DENND1A: variants seen among roughly 807,000 people sequenced by gnomAD.
The protein encoded by DENND1A is DENN domain-containing protein 1A.
DENND1A carries 51 observed loss-of-function variants against 113.7 expected under a neutral mutation model. That is an observed-to-expected ratio of 0.45 (90% CI 0.36 to 0.57). The LOEUF (loss-of-function observed/expected upper bound fraction) is 0.57, where lower values mean the gene tolerates loss of function less well. DENND1A is among the 20% of genes least tolerant of loss of function. The pLI, the probability that DENND1A is intolerant of heterozygous loss-of-function variation, is 0.00. For synonymous variants in DENND1A, 565 were observed against 570.8 expected (o/e 0.99, Z 0.14); for missense variants, 1,258 against 1,395.9 (o/e 0.90, Z 1.57).
chr9:123,702,881 A>T (rs927004428), intron 5 of DENND1A, among the ~76,000 whole-genome samples: 10 of 152,156 alleles, frequency 6.6e-5, no homozygotes, highest in African/African-American at 2.4e-4. Flanking sequence ...AAGTAAGTAT[A>T]CAGTCAAATT....
intron 2 of DENND1A, among the ~76,000 whole-genome samples, chr9:123,823,185 A>G (rs922449503): frequency 6.6e-6 from 1 of 152,218 alleles, no homozygotes; most frequent in African/African-American, 2.4e-5. Flanking sequence ...ATGGGAGGTA[A>G]ACGCAAAAAA....
At chr9:123,855,738 T>C (rs976940714) in intron 2 of DENND1A, among the ~76,000 whole-genome samples, 2 of 152,164 alleles carry the variant, frequency 1.3e-5, no homozygotes, top group African/African-American at 2.4e-5. Flanking sequence ...AGACTCCAGC[T>C]AAGGAAACCA....
At chr9:123,750,594 ACCAT>A (rs2069933055) in intron 5 of DENND1A, among the ~76,000 whole-genome samples, 1 of 152,206 alleles carries the variant, frequency 6.6e-6, no homozygotes, top group Non-Finnish European at 1.5e-5. Context: ...CTGCCAACTG[ACCAT>A]CCAGAGAATA....
At chr9:123,711,513 G>GTGTATATA (rs1369120234) in intron 5 of DENND1A, among the ~76,000 whole-genome samples, 1 of 120,986 alleles carries the variant, frequency 8.3e-6, no homozygotes, top group East Asian at 2.3e-4. Flanking sequence ...ATGTATATAT[G>GTGTATATA]TATATATATA....
chr9:123,868,062 G>A (rs1475238065), intron 2 of DENND1A, among the ~76,000 whole-genome samples: 1 of 152,146 alleles, frequency 6.6e-6, no homozygotes, highest in Non-Finnish European at 1.5e-5. Flanking sequence ...TTTACCACTG[G>A]ACTTCTCAGT....
chr9:123,602,297 C>A (rs1194799591), intron 11 of DENND1A, among the ~76,000 whole-genome samples: 4 of 152,142 alleles, frequency 2.6e-5, no homozygotes, highest in Non-Finnish European at 5.9e-5. Flanking sequence ...AACTATTATA[C>A]AACAATTATA....
chr9:123,589,647 GAAAAAAAAAAAAAAAA>G (rs58211177), intron 11 of DENND1A, among the ~76,000 whole-genome samples: 1 of 35,432 alleles, frequency 2.8e-5, no homozygotes, highest in Admixed American at 3.3e-4. Context: ...TTCTCAGAAT[GAAAAAAAAAAAAAAAA>G]AAAAAAAAAA....
At chr9:123,496,045 G>C (rs886390159) in intron 13 of DENND1A, among the ~76,000 whole-genome samples, 1 of 152,168 alleles carries the variant, frequency 6.6e-6, no homozygotes, top group Non-Finnish European at 1.5e-5. Context: ...AGAGCATTAC[G>C]ATCAAGCACA....
intron 3 of DENND1A, among the ~76,000 whole-genome samples, chr9:123,788,053 C>T (rs958101831): frequency 6.6e-6 from 1 of 152,048 alleles, no homozygotes; most frequent in Admixed American, 6.6e-5. Context: ...CACTGTATTC[C>T]ATCAAAGTGT....
chr9:123,928,708 C>CA (rs1194682709), intron 1 of DENND1A: 1 of 985,290 alleles, frequency 1.0e-6, no homozygotes, highest in African/African-American at 1.7e-5. Context: ...CAAGGCTGGG[C>CA]AAGGGTCACA....
At chr9:123,802,472 C>A (rs1284379386) in intron 2 of DENND1A, among the ~76,000 whole-genome samples, 1 of 152,308 alleles carries the variant, frequency 6.6e-6, no homozygotes, top group African/African-American at 2.4e-5. Flanking sequence ...GGGGATCATA[C>A]TGCATTGCCA....
At chr9:123,655,386 A>G (rs567831483) in intron 8 of DENND1A, among the ~76,000 whole-genome samples, 1 of 152,296 alleles carries the variant, frequency 6.6e-6, no homozygotes, top group South Asian at 2.1e-4. Flanking sequence ...GCACCAGCCC[A>G]GAAGATGGAC....
chr9:123,776,306 C>T (rs1830462744), intron 3 of DENND1A, among the ~76,000 whole-genome samples: 1 of 152,050 alleles, frequency 6.6e-6, no homozygotes. Context: ...ACCGTATTAA[C>T]GCATACAACT....
At position 123,666,972 on chromosome 9, in the gene DENND1A, G is replaced by A. The variant is rs1343397150; in HGVS notation, c.507+54C>T. Reference sequence around the variant, plus strand: ...ATCCTTTATTTATTCAAACAAATAGGCAGAAAACAGAGAAGAATAAAAATT... The same window carrying A: ...ATCCTTTATTTATTCAAACAAATAGACAGAAAACAGAGAAGAATAAAAATT... On this transcript the variant is annotated intron_variant, in intron 8 of 23. Coordinates refer to ENST00000394215, the MANE Select transcript of DENND1A (RefSeq NM_001352964.2). 34 of 1,439,660 alleles carry A rather than the reference G, an allele frequency of 2.4e-5. No individual in the cohort carries two copies. The Middle Eastern group carries it at 7.7e-4, about 33-fold the overall frequency. The allele number at this position is 1,439,660 out of a possible 1,614,324, so 89.2% of individuals were successfully genotyped here. A position where few individuals can be genotyped will look rare whatever the true frequency, so the allele number is the denominator to read the frequency against.
At chr9:123,429,553 T>C (rs1279700622) in intron 19 of DENND1A, among the ~76,000 whole-genome samples, 3 of 151,916 alleles carry the variant, frequency 2.0e-5, no homozygotes, top group Admixed American at 1.3e-4. Context: ...AGGCTCTGTC[T>C]CAAAAAAACA....
chr9:123,818,529 C>T (rs1163710648), intron 2 of DENND1A, among the ~76,000 whole-genome samples: 10 of 108,484 alleles, frequency 9.2e-5, no homozygotes, highest in African/African-American at 3.3e-4. Flanking sequence ...TACACACACA[C>T]ACACACACAC....
intron 13 of DENND1A, among the ~76,000 whole-genome samples, chr9:123,465,308 ATTTTT>A (rs60428558): frequency 1.2e-5 from 1 of 80,114 alleles, no homozygotes; most frequent in African/African-American, 4.7e-5. Context: ...TTTGTCTTTG[ATTTTT>A]TTTTTTTTTT....
intron 13 of DENND1A, among the ~76,000 whole-genome samples, chr9:123,549,526 C>G (rs1358952107): frequency 2.0e-5 from 3 of 152,116 alleles, no homozygotes; most frequent in Non-Finnish European, 4.4e-5. Context: ...TTGGCCCCCA[C>G]AGTCAGGCTC....
At chr9:123,587,987 T>TA (rs1337471402) in intron 11 of DENND1A, among the ~76,000 whole-genome samples, 5 of 152,018 alleles carry the variant, frequency 3.3e-5, no homozygotes, top group Admixed American at 1.3e-4. Flanking sequence ...CTTTTTATCA[T>TA]AAAAAATAGG....
Sources: allele counts gnomAD v4.1 joint callset (sites outside exome capture counted in the v4.1 genomes callset), GRCh38; gene constraint gnomAD v4.1.1; transcripts MANE v1.5; gene names NCBI Gene and HGNC (gene_info 2026-07-23, HGNC 2026-07-21).